PCOLCE2: variants seen among roughly 807,000 people sequenced by gnomAD.
PCOLCE2 encodes procollagen C-proteinase enhancer 2.
A neutral mutation model predicts 47.0 loss-of-function variants in PCOLCE2; 42 were observed. The ratio of observed to expected loss-of-function variants is 0.89; its 90% CI spans 0.70 to 1.16. PCOLCE2 has a LOEUF of 1.16. Among genes scored for constraint, PCOLCE2 ranks in the 50% most tolerant of loss-of-function variants. PCOLCE2 has a pLI of 0.00. For synonymous variants in PCOLCE2, 169 were observed against 191.7 expected (o/e 0.88, Z 0.98); for missense variants, 500 against 526.1 (o/e 0.95, Z 0.49).
Position 142,849,709 on chromosome 3 carries a change from G to A in PCOLCE2, c.193-1237C>T, listed in dbSNP as rs577005114. Among the ~76,000 whole-genome samples, 37 of 152,160 alleles carry A rather than the reference G, an allele frequency of 2.4e-4. 2 individuals carry two copies. The South Asian group carries it at 5.0e-3, about 21-fold the overall frequency. On this transcript the variant is annotated intron_variant, in intron 2 of 8. Coordinates refer to ENST00000295992, the MANE Select transcript of PCOLCE2 (RefSeq NM_013363.4). ...CAGATGAGGTCTCCACTGAATAGTGGAGAATTCCATTCTGTAAAAACTTAC... is the reference window on the plus strand; with the variant it reads ...CAGATGAGGTCTCCACTGAATAGTGAAGAATTCCATTCTGTAAAAACTTAC...
intron 2 of PCOLCE2, among the ~76,000 whole-genome samples, chr3:142,871,525 T>G (rs768380849): frequency 6.6e-6 from 1 of 152,252 alleles, no homozygotes; most frequent in Non-Finnish European, 1.5e-5. Context: ...GAAGGTGTTT[T>G]GTAGATGTGG....
intron 5 of PCOLCE2, 109 bp downstream of exon 5, chr3:142,838,661 A>AAAC: frequency 1.0e-6 from 1 of 1,001,126 alleles, no homozygotes; most frequent in Non-Finnish European, 1.5e-6. Context: ...TAATTTAACA[A>AAAC]AACAACAACA....
intron 2 of PCOLCE2, among the ~76,000 whole-genome samples, chr3:142,875,799 T>A (rs751221721): frequency 6.6e-6 from 1 of 151,902 alleles, no homozygotes; most frequent in Non-Finnish European, 1.5e-5. Flanking sequence ...ACCCTTCAGC[T>A]CCCTCCTCCC....
At chr3:142,880,209 C>A (rs1933584865) in intron 2 of PCOLCE2, among the ~76,000 whole-genome samples, 1 of 150,640 alleles carries the variant, frequency 6.6e-6, no homozygotes, top group Non-Finnish European at 1.5e-5. Context: ...AAATAATGAG[C>A]CTAGTGCAAC....
intron 2 of PCOLCE2, among the ~76,000 whole-genome samples, chr3:142,886,878 T>G (rs906733891): frequency 1.3e-5 from 2 of 152,202 alleles, no homozygotes; most frequent in African/African-American, 4.8e-5. Flanking sequence ...GGGCTACTTT[T>G]TAAAAAATCT....
intron 4 of PCOLCE2, among the ~76,000 whole-genome samples, chr3:142,839,800 A>G (rs532030588): frequency 2.6e-5 from 4 of 152,222 alleles, no homozygotes; most frequent in Non-Finnish European, 1.5e-5. Flanking sequence ...TGTCAACTAT[A>G]CCTCAATAAA....
intron 2 of PCOLCE2, among the ~76,000 whole-genome samples, chr3:142,856,652 G>T (rs1222370824): frequency 6.6e-6 from 1 of 152,254 alleles, no homozygotes; most frequent in Non-Finnish European, 1.5e-5. Context: ...AGGATGAGGA[G>T]ACAGGCAATC....
At chr3:142,851,235 C>T (rs554925407) in intron 2 of PCOLCE2, among the ~76,000 whole-genome samples, 1 of 152,188 alleles carries the variant, frequency 6.6e-6, no homozygotes, top group East Asian at 1.9e-4. Context: ...AGCAGGAGTA[C>T]CAGGACTGCT....
At chr3:142,868,229 A>C (rs1341530623) in intron 2 of PCOLCE2, among the ~76,000 whole-genome samples, 2 of 152,190 alleles carry the variant, frequency 1.3e-5, no homozygotes, top group Non-Finnish European at 2.9e-5. Flanking sequence ...GTGTTTCTCA[A>C]ACTTTTGGCC....
rs117249616 is a variant in PCOLCE2, at chr3:142,887,319, C to A, written c.192+350G>T. The A allele has an allele frequency of 1.9e-3, 319 of 171,790 alleles. 3 individuals are homozygous for A. The East Asian group carries it at 0.048, about 26-fold the overall frequency. 10.6% of individuals were successfully genotyped at this position (171,790 alleles called of 1,614,324 possible). A position where few individuals can be genotyped will look rare whatever the true frequency, so the allele number is the denominator to read the frequency against. The stretch of plus-strand genomic sequence containing the variant: ...TTCCCACTGGGAATTTATGAAGGCA[C>A]GAGCAACAAAAAACTTATGAAGGTC... On this transcript the variant is annotated intron_variant, in intron 2 of 8. Coordinates refer to ENST00000295992, the MANE Select transcript of PCOLCE2 (RefSeq NM_013363.4).
At chr3:142,844,965 A>G (rs963965635) in intron 3 of PCOLCE2, among the ~76,000 whole-genome samples, 1 of 152,174 alleles carries the variant, frequency 6.6e-6, no homozygotes, top group African/African-American at 2.4e-5. Context: ...TGTAGACAAC[A>G]TATAGTTGGG....
intron 2 of PCOLCE2, among the ~76,000 whole-genome samples, chr3:142,881,944 G>A (rs556188687): frequency 6.6e-6 from 1 of 151,998 alleles, no homozygotes; most frequent in East Asian, 1.9e-4. Flanking sequence ...CACTTTAATG[G>A]GACTGCCTCT....
chr3:142,826,340 T>C (rs1319902366), intron 6 of PCOLCE2, among the ~76,000 whole-genome samples: 1 of 152,088 alleles, frequency 6.6e-6, no homozygotes, highest in Non-Finnish European at 1.5e-5. Flanking sequence ...AAGAGAAGCA[T>C]AGCAGAAAAT....
chr3:142,832,872 T>G (rs1362967311), intron 5 of PCOLCE2, among the ~76,000 whole-genome samples: 1 of 152,224 alleles, frequency 6.6e-6, no homozygotes, highest in African/African-American at 2.4e-5. Flanking sequence ...TTTTCTCATT[T>G]TCTGCACTGC....
chr3:142,834,140 T>C (rs1168516106), intron 5 of PCOLCE2, among the ~76,000 whole-genome samples: 3 of 152,216 alleles, frequency 2.0e-5, no homozygotes, highest in African/African-American at 7.2e-5. Context: ...CCTTGTTGTT[T>C]AATTAGCCAT....
At chr3:142,844,893 G>T (rs1187557516) in intron 3 of PCOLCE2, among the ~76,000 whole-genome samples, 2 of 152,096 alleles carry the variant, frequency 1.3e-5, no homozygotes, top group African/African-American at 4.8e-5. Flanking sequence ...TAATTTTAAT[G>T]AAGTTTTGTA....
At chr3:142,885,693 TACC>T (rs1701214942) in intron 2 of PCOLCE2, among the ~76,000 whole-genome samples, 1 of 152,238 alleles carries the variant, frequency 6.6e-6, no homozygotes, top group Non-Finnish European at 1.5e-5. Flanking sequence ...CTCTCCTGGA[TACC>T]ACAACAGCTT....
At chr3:142,865,811 G>C (rs889902108) in intron 2 of PCOLCE2, among the ~76,000 whole-genome samples, 1 of 152,188 alleles carries the variant, frequency 6.6e-6, no homozygotes, top group Non-Finnish European at 1.5e-5. Flanking sequence ...TGGATAGGAA[G>C]CAAGGAAATG....
At chr3:142,838,149 T>C (rs1026441082) in intron 5 of PCOLCE2, among the ~76,000 whole-genome samples, 3 of 152,104 alleles carry the variant, frequency 2.0e-5, no homozygotes, top group Non-Finnish European at 4.4e-5. Flanking sequence ...GACCCTGGGG[T>C]ATCACCAGCT....
Sources: gnomAD v4.1 joint callset for allele counts (sites outside exome capture counted in the v4.1 genomes callset) on GRCh38, gnomAD v4.1.1 for gene constraint, MANE v1.5 for transcripts, NCBI Gene and HGNC (gene_info 2026-07-23, HGNC 2026-07-21) for gene names.